The following SLC22A23 variants were observed in gnomAD, a reference collection of about 807,000 sequenced individuals.
SLC22A23 encodes ion transporter protein.
Under a neutral mutation model 61.0 loss-of-function variants are expected in SLC22A23, and 26 were observed. The observed-to-expected ratio is 0.43, with a 90% CI of 0.31 to 0.59. The LOEUF (loss-of-function observed/expected upper bound fraction) is 0.59, where lower values mean the gene tolerates loss of function less well. SLC22A23 is among the 20% of genes least tolerant of loss of function. The probability of loss-of-function intolerance (pLI) is 0.11; values close to 1 mark genes in which losing one functional copy is unlikely to be tolerated. For synonymous variants in SLC22A23, 430 were observed against 413.9 expected (o/e 1.04, Z -0.47); for missense variants, 796 against 934.7 (o/e 0.85, Z 1.94).
chr6:3,426,411 G>C (rs893266819), intron 1 of SLC22A23, among the ~76,000 whole-genome samples: 3 of 152,106 alleles, frequency 2.0e-5, no homozygotes, highest in African/African-American at 7.2e-5. Flanking sequence ...TTACTGCCAA[G>C]CCAGGACAAC....
intron 1 of SLC22A23, among the ~76,000 whole-genome samples, chr6:3,451,084 T>TG (rs138338981): frequency 0.023 from 3,489 of 152,256 alleles, 72 homozygotes; most frequent in Middle Eastern, 0.058. Flanking sequence ...CAGAAAAAAT[T>TG]GGGGCAAGTT....
intron 3 of SLC22A23, among the ~76,000 whole-genome samples, chr6:3,375,871 G>A (rs1008331635): frequency 2.6e-5 from 4 of 152,146 alleles, no homozygotes; most frequent in Non-Finnish European, 5.9e-5. Context: ...ATTCCCCTCA[G>A]AGGAAAACAC....
At position 3,324,478 on chromosome 6, in the gene SLC22A23, G is replaced by A. The variant is rs1763164316; in HGVS notation, c.914-476C>T. Among the ~76,000 whole-genome samples the A allele has an allele frequency of 6.6e-6, 1 of 152,016 alleles. No individual in the cohort carries two copies. The highest frequency in any genetic ancestry group is 2.1e-4 in the South Asian group (1 of 4,810). On this transcript the variant is annotated intron_variant, in intron 3 of 9. Coordinates refer to ENST00000406686, the MANE Select transcript of SLC22A23 (RefSeq NM_015482.2). This position sits in a 1 kb window ranked among gnomAD's most constrained non-coding sequence, Gnocchi z 4.3. ...CCCATATACTCACTCCTACCCATAT[G>A]CACCACCCACCCCTTCTTCTGGTTC...
chr6:3,307,135 T>G (rs1313891553), intron 4 of SLC22A23, among the ~76,000 whole-genome samples: 2 of 152,184 alleles, frequency 1.3e-5, no homozygotes, highest in South Asian at 4.1e-4. Flanking sequence ...CGCTACGACA[T>G]GCACAGGTGG....
At chr6:3,397,204 C>A (rs545655584) in intron 3 of SLC22A23, among the ~76,000 whole-genome samples, 20 of 152,350 alleles carry the variant, frequency 1.3e-4, no homozygotes, top group African/African-American at 4.6e-4. Flanking sequence ...AGTATGTAAC[C>A]TTAGGCAAGT....
intron 6 of SLC22A23, 58 bp from the exon 7 acceptor site, chr6:3,287,149 G>A (rs1291083185): frequency 6.6e-7 from 1 of 1,522,998 alleles, no homozygotes; most frequent in Non-Finnish European, 9.0e-7. Flanking sequence ...GGGCTGCGCT[G>A]CCTCCTGGGA....
chr6:3,441,623 T>C (rs1272289903), intron 1 of SLC22A23, among the ~76,000 whole-genome samples: 1 of 152,184 alleles, frequency 6.6e-6, no homozygotes, highest in Non-Finnish European at 1.5e-5. Context: ...AAGCGACTCC[T>C]CTGCGCCCCT....
chr6:3,302,836 T>G (rs1295267422), intron 4 of SLC22A23: 3 of 152,002 alleles, frequency 2.0e-5, no homozygotes, highest in African/African-American at 7.2e-5. Context: ...TTTTGAGACT[T>G]GTTTTGTGTT....
intron 3 of SLC22A23, among the ~76,000 whole-genome samples, chr6:3,358,948 C>G (rs1765275504): frequency 1.3e-5 from 2 of 152,106 alleles, no homozygotes; most frequent in African/African-American, 4.8e-5. Context: ...GGGTCTGCAC[C>G]CCGAGCTGCC....
chr6:3,343,333 A>T (rs1385726147), intron 3 of SLC22A23, among the ~76,000 whole-genome samples: 4 of 152,194 alleles, frequency 2.6e-5, no homozygotes, highest in African/African-American at 9.7e-5. Context: ...AGGCCCCAAG[A>T]GGTTAGTTAC....
chr6:3,455,219 C>T (rs937175165), intron 1 of SLC22A23, among the ~76,000 whole-genome samples: 8 of 152,224 alleles, frequency 5.3e-5, no homozygotes, highest in African/African-American at 1.9e-4. Flanking sequence ...AGCTAAAGCA[C>T]ACCCCCGTTC....
intron 5 of SLC22A23, among the ~76,000 whole-genome samples, chr6:3,293,569 C>T (rs1760812157): frequency 6.6e-6 from 1 of 152,270 alleles, no homozygotes; most frequent in African/African-American, 2.4e-5. Context: ...TGACCGGGCA[C>T]TGCCGACCTC....
chr6:3,352,498 G>C (rs1764834337), intron 3 of SLC22A23, among the ~76,000 whole-genome samples: 1 of 152,078 alleles, frequency 6.6e-6, no homozygotes, highest in Non-Finnish European at 1.5e-5. Flanking sequence ...CATACTTGCA[G>C]ACACACAAAT....
At position 3,455,482 on chromosome 6, in the gene SLC22A23, T is replaced by C. The variant is rs1051254768; in HGVS notation, c.654+424A>G. Among the ~76,000 whole-genome samples, 4 of 152,208 alleles carry C rather than the reference T, an allele frequency of 2.6e-5. No individual in the cohort carries two copies. The South Asian group carries it at 6.2e-4, about 24-fold the overall frequency. ...CTCCAGTTCTTTAGTAGGCTTTACC[T>C]GTGTCAAAATCAAGTGCGAGATGGA... On this transcript the variant is annotated intron_variant, in intron 1 of 9. Coordinates refer to ENST00000406686, the MANE Select transcript of SLC22A23 (RefSeq NM_015482.2).
rs563760959 is a variant in SLC22A23, at chr6:3,296,699, G to T, written c.1210+1392C>A. Reference sequence around the variant, plus strand: ...CTGTCCAGCGAAGCAAAAGCTTCAGGCGTCCCTGGGTAGGCCCCACCCCAC... The same window carrying T: ...CTGTCCAGCGAAGCAAAAGCTTCAGTCGTCCCTGGGTAGGCCCCACCCCAC... On this transcript the variant is annotated intron_variant, in intron 5 of 9. Transcript: ENST00000406686. Among the ~76,000 whole-genome samples the T allele has an allele frequency of 1.3e-5, 2 of 152,234 alleles. 1 individual carries two copies. Among genetic ancestry groups the T allele is most frequent in the African/African-American group, 4.8e-5 (2 of 41,534 alleles).
At position 3,304,884 on chromosome 6, in the gene SLC22A23, A is replaced by G. The variant is rs59085078; in HGVS notation, c.1083-6666T>C. On this transcript the variant is annotated intron_variant, in intron 4 of 9. Coordinates refer to ENST00000406686, the MANE Select transcript of SLC22A23 (RefSeq NM_015482.2). The surrounding 1 kb of genome is among the most constrained non-coding windows in gnomAD (Gnocchi z 4.3). ...TGCTGGGAATGAGGTGAGAAGACGCAGGGAGAGGAGAGGGATGCAGGGCCC... is the reference window on the plus strand; with the variant it reads ...TGCTGGGAATGAGGTGAGAAGACGCGGGGAGAGGAGAGGGATGCAGGGCCC... 0.015 allele frequency among the ~76,000 whole-genome samples: 2,225 copies of G among 152,234 alleles called. 50 individuals carry two copies. Among genetic ancestry groups the G allele is most frequent in the African/African-American group, 0.051 (2,112 of 41,526 alleles).
intron 3 of SLC22A23, among the ~76,000 whole-genome samples, chr6:3,376,372 T>C (rs2127469015): frequency 6.6e-6 from 1 of 152,302 alleles, no homozygotes; most frequent in African/African-American, 2.4e-5. Flanking sequence ...TTGACCTTTC[T>C]GAGCTGGGTT....
chr6:3,437,198 A>G (rs1771271149), intron 1 of SLC22A23, among the ~76,000 whole-genome samples: 1 of 150,016 alleles, frequency 6.7e-6, no homozygotes, highest in Admixed American at 6.7e-5. Context: ...AATGAATTAA[A>G]CAGTGAAACC....
chr6:3,431,081 A>AG lies in SLC22A23; in HGVS notation c.655-15227_655-15226insC, dbSNP rs1461989798. Among the ~76,000 whole-genome samples, 93 of 151,450 alleles carry AG rather than the reference A, an allele frequency of 6.1e-4. 1 individual carries two copies. The East Asian group carries it at 0.017, about 27-fold the overall frequency. On this transcript the variant is annotated intron_variant, in intron 1 of 9. Transcript: ENST00000406686. ...AACTCCGTCTCAAAAAAAAAAAAAA[A>AG]AAAAGAAAGAAAGAAAAAGAAAACA...
Sources: gnomAD v4.1 joint callset for allele counts (sites outside exome capture counted in the v4.1 genomes callset) on GRCh38, gnomAD v4.1.1 for gene constraint, Gnocchi (gnomAD v3.1) non-coding constraint, MANE v1.5 for transcripts, NCBI Gene and HGNC (gene_info 2026-07-23, HGNC 2026-07-21) for gene names.